Variants in RAB3C observed in about 807,000 individuals in gnomAD.
The protein encoded by RAB3C is ras-related protein Rab-3C.
In RAB3C, 17 loss-of-function variants were observed where a neutral mutation model predicts 26.4. The ratio of observed to expected loss-of-function variants is 0.64; its 90% confidence interval spans 0.44 to 0.97. The LOEUF is 0.97. RAB3C is among the 50% of genes least tolerant of loss of function. The pLI is 0.00. For synonymous variants in RAB3C, 91 were observed against 95.9 expected (o/e 0.95, Z 0.30); for missense variants, 242 against 281.9 (o/e 0.86, Z 1.01).
chr5:58,681,475 A>C, intron 2 of RAB3C, among the ~76,000 whole-genome samples: 1 of 152,266 alleles, frequency 6.6e-6, no homozygotes, highest in East Asian at 1.9e-4. Flanking sequence ...ATTAACATTT[A>C]AATGGCTACT....
intron 2 of RAB3C, among the ~76,000 whole-genome samples, chr5:58,623,374 C>A (rs994251091): frequency 6.6e-6 from 1 of 152,178 alleles, no homozygotes; most frequent in Admixed American, 6.5e-5. Context: ...GTCCTCTGGT[C>A]TATTTATAAG....
At chr5:58,777,689 G>A (rs1742178202) in intron 3 of RAB3C, among the ~76,000 whole-genome samples, 1 of 149,516 alleles carries the variant, frequency 6.7e-6, no homozygotes, top group Admixed American at 6.8e-5. Flanking sequence ...TTGGTGTGCT[G>A]TACCCATTAA....
intron 1 of RAB3C, among the ~76,000 whole-genome samples, chr5:58,598,925 A>T (rs1233098194): frequency 6.6e-6 from 1 of 152,180 alleles, no homozygotes; most frequent in Non-Finnish European, 1.5e-5. Context: ...AAGAAGAAGA[A>T]TATCAAAGAT....
chr5:58,710,389 A>G (rs2111894726), intron 2 of RAB3C, among the ~76,000 whole-genome samples: 1 of 152,056 alleles, frequency 6.6e-6, no homozygotes, highest in East Asian at 1.9e-4. Context: ...ATTTGAGGTC[A>G]GGAGTTCGAG....
chr5:58,598,593 C>G (rs545316670), intron 1 of RAB3C, among the ~76,000 whole-genome samples: 1 of 152,242 alleles, frequency 6.6e-6, no homozygotes, highest in South Asian at 2.1e-4. Context: ...TGTTCTAGGA[C>G]AGGTCCTATC....
intron 3 of RAB3C, among the ~76,000 whole-genome samples, chr5:58,792,400 T>G (rs1024355065): frequency 1.3e-5 from 2 of 152,036 alleles, no homozygotes; most frequent in African/African-American, 2.4e-5. Context: ...CTAGCAGAAA[T>G]GGTCCAAACC....
intron 4 of RAB3C, among the ~76,000 whole-genome samples, chr5:58,850,746 G>GTCTA (rs1453389154): frequency 6.6e-6 from 1 of 152,166 alleles, no homozygotes; most frequent in Non-Finnish European, 1.5e-5. Flanking sequence ...GATTGCAAGA[G>GTCTA]TCTACATGGT....
chr5:58,774,660 A>G (rs1742090119), intron 3 of RAB3C, among the ~76,000 whole-genome samples: 1 of 152,098 alleles, frequency 6.6e-6, no homozygotes, highest in African/African-American at 2.4e-5. Context: ...AGAGTCTACT[A>G]GGGAGGGAGA....
At chr5:58,630,758 C>T (rs1020463926) in intron 2 of RAB3C, among the ~76,000 whole-genome samples, 1 of 152,152 alleles carries the variant, frequency 6.6e-6, no homozygotes, top group African/African-American at 2.4e-5. Context: ...AACCTTCAGA[C>T]CACATTTTCA....
At chr5:58,775,927 C>T (rs192510474) in intron 3 of RAB3C, among the ~76,000 whole-genome samples, 26 of 152,240 alleles carry the variant, frequency 1.7e-4, no homozygotes, top group Admixed American at 1.1e-3. Context: ...TTTTGACATT[C>T]TATTGCTCAC....
chr5:58,845,612 A>ATATATGTGTGTGTG, intron 4 of RAB3C, among the ~76,000 whole-genome samples: 5 of 81,702 alleles, frequency 6.1e-5, no homozygotes, highest in African/African-American at 2.9e-4. Context: ...ATATATATAT[A>ATATATGTGTGTGTG]TGTGTGTGTG....
Position 58,853,325 on chromosome 5 carries a change from A to G in RAB3C, c.*1974A>G, listed in dbSNP as rs1228385641. The G allele has an allele frequency of 1.3e-5, 2 of 152,246 alleles. No homozygotes were observed. Among genetic ancestry groups the G allele is most frequent in the African/African-American group, 4.8e-5 (2 of 41,474 alleles). The allele number at this position is 152,246 out of a possible 1,614,324, so 9.4% of individuals were successfully genotyped here. On this transcript the variant is annotated 3_prime_UTR_variant, in exon 5 of 5. Transcript: ENST00000282878. ...AGAATGTGGCCATGTTAAATGATAT[A>G]GCTATTAAGCTCACTTTTACAATCT... is the stretch of plus-strand genomic sequence containing the variant.
intron 2 of RAB3C, among the ~76,000 whole-genome samples, chr5:58,629,971 C>T (rs554003539): frequency 1.3e-5 from 2 of 152,254 alleles, no homozygotes; most frequent in African/African-American, 2.4e-5. Flanking sequence ...GGTTGGTTTC[C>T]TGGGAAGGTT....
At chr5:58,746,939 A>G (rs961707889) in intron 3 of RAB3C, among the ~76,000 whole-genome samples, 3 of 152,236 alleles carry the variant, frequency 2.0e-5, no homozygotes, top group African/African-American at 7.2e-5. Context: ...CAGGAGACAC[A>G]TCCCAAAGCT....
chr5:58,721,248 C>T (rs1018402972), intron 2 of RAB3C, among the ~76,000 whole-genome samples: 11 of 106,546 alleles, frequency 1.0e-4, no homozygotes, highest in East Asian at 2.8e-4. Flanking sequence ...ATTTTTTTTT[C>T]AAAAAAAAAA....
chr5:58,668,711 C>G (rs1748049574), intron 2 of RAB3C, among the ~76,000 whole-genome samples: 1 of 152,106 alleles, frequency 6.6e-6, no homozygotes, highest in African/African-American at 2.4e-5. Flanking sequence ...AGTCACCCCT[C>G]CACTTAATGT....
intron 2 of RAB3C, among the ~76,000 whole-genome samples, chr5:58,700,266 C>A (rs1015633731): frequency 6.6e-6 from 1 of 152,138 alleles, no homozygotes; most frequent in Non-Finnish European, 1.5e-5. Flanking sequence ...AAAAGCAGTG[C>A]TTTACATGTG....
chr5:58,676,007 T>C (rs1041090881), intron 2 of RAB3C, among the ~76,000 whole-genome samples: 1 of 152,044 alleles, frequency 6.6e-6, no homozygotes, highest in Non-Finnish European at 1.5e-5. Context: ...ACAGCTTGGC[T>C]CTTTGCTGCC....
intron 2 of RAB3C, among the ~76,000 whole-genome samples, chr5:58,713,875 A>C (rs1749115336): frequency 6.6e-6 from 1 of 152,198 alleles, no homozygotes; most frequent in Non-Finnish European, 1.5e-5. Flanking sequence ...GGAATTCTAA[A>C]ATAAACACAT....
Sources: allele counts gnomAD v4.1 joint callset (sites outside exome capture counted in the v4.1 genomes callset), GRCh38; gene constraint gnomAD v4.1.1; transcripts MANE v1.5; gene names NCBI Gene and HGNC (gene_info 2026-07-23, HGNC 2026-07-21).